ALCAM: variants seen among roughly 807,000 people sequenced by gnomAD.
The protein encoded by ALCAM is activated leukocyte cell adhesion molecule.
Under a neutral mutation model 70.9 loss-of-function variants are expected in ALCAM, and 30 were observed. The observed-to-expected ratio is 0.42, with a 90% CI of 0.32 to 0.57. The LOEUF is 0.57. Among genes scored for constraint, ALCAM ranks in the 20% least tolerant of loss-of-function variants. ALCAM has a pLI of 0.11. For missense variants in ALCAM, 591 were observed against 695.1 expected, an observed-to-expected ratio of 0.85 and a Z score of 1.68; for synonymous variants, 249 against 242.5, an observed-to-expected ratio of 1.03 and a Z score of -0.25.
intron 1 of ALCAM, among the ~76,000 whole-genome samples, chr3:105,380,064 T>A (rs951169251): frequency 6.6e-6 from 1 of 151,844 alleles, no homozygotes; most frequent in African/African-American, 2.4e-5. Flanking sequence ...AAGTTAAAAC[T>A]GTTATATATT....
At chr3:105,370,624 A>T (rs1021513131) in intron 1 of ALCAM, among the ~76,000 whole-genome samples, 1 of 152,148 alleles carries the variant, frequency 6.6e-6, no homozygotes, top group African/African-American at 2.4e-5. Flanking sequence ...TATAAATTGT[A>T]TTATTAGAAA....
intron 1 of ALCAM, among the ~76,000 whole-genome samples, chr3:105,457,301 T>A (rs1937546348): frequency 6.6e-6 from 1 of 152,122 alleles, no homozygotes; most frequent in African/African-American, 2.4e-5. Flanking sequence ...AGTCTGTCAT[T>A]GATGAGCATT....
chr3:105,446,967 A>C (rs1377145254), intron 1 of ALCAM, among the ~76,000 whole-genome samples: 1 of 152,130 alleles, frequency 6.6e-6, no homozygotes, highest in Non-Finnish European at 1.5e-5. Flanking sequence ...AATGGTTAAC[A>C]GTATTGTATA....
At chr3:105,404,415 ATTG>A (rs1444044448) in intron 1 of ALCAM, among the ~76,000 whole-genome samples, 1 of 152,192 alleles carries the variant, frequency 6.6e-6, no homozygotes, top group Non-Finnish European at 1.5e-5. Context: ...GGTAGAAGGG[ATTG>A]GGGTCCTATT....
At chr3:105,516,780 A>G (rs1939392949) in intron 1 of ALCAM, among the ~76,000 whole-genome samples, 1 of 152,124 alleles carries the variant, frequency 6.6e-6, no homozygotes, top group African/African-American at 2.4e-5. Context: ...TAACACATAC[A>G]GAACACACTT....
rs1936216387 is a variant in ALCAM, at chr3:105,405,891, G to A, written c.73+38410G>A. Among the ~76,000 whole-genome samples the A allele has an allele frequency of 2.0e-5, 3 of 152,248 alleles. 1 individual carries two copies. The highest frequency in any genetic ancestry group is 4.8e-5 in the African/African-American group (2 of 41,560). On this transcript the variant is annotated intron_variant, in intron 1 of 15. Transcript: ENST00000306107. ...TGACACTGTTCCCGGACCAAACTGAGGGTTGGGCTGTTATTTCTCACAGCC... is the reference window on the plus strand; with the variant it reads ...TGACACTGTTCCCGGACCAAACTGAAGGTTGGGCTGTTATTTCTCACAGCC...
At chr3:105,411,167 C>T (rs75535140) in intron 1 of ALCAM, among the ~76,000 whole-genome samples, 114 of 152,150 alleles carry the variant, frequency 7.5e-4, no homozygotes, top group African/African-American at 2.7e-3. Context: ...CCTAGAGTCC[C>T]TGATCTGTAT....
intron 1 of ALCAM, among the ~76,000 whole-genome samples, chr3:105,377,734 C>T (rs1315652562): frequency 6.6e-6 from 1 of 151,952 alleles, no homozygotes; most frequent in Non-Finnish European, 1.5e-5. Flanking sequence ...ACTTTTAGAA[C>T]ATAAACTGTA....
intron 1 of ALCAM, among the ~76,000 whole-genome samples, chr3:105,418,684 G>T (rs1466337836): frequency 2.0e-5 from 3 of 151,584 alleles, no homozygotes. Context: ...GGGGTAGTGG[G>T]GTGTTTACAT....
At chr3:105,419,470 G>T (rs1936590657) in intron 1 of ALCAM, among the ~76,000 whole-genome samples, 1 of 151,818 alleles carries the variant, frequency 6.6e-6, no homozygotes. Flanking sequence ...AGTACATCAA[G>T]AAAGGGCTAA....
chr3:105,450,391 C>T (rs1937398567), intron 1 of ALCAM, among the ~76,000 whole-genome samples: 1 of 152,142 alleles, frequency 6.6e-6, no homozygotes, highest in Non-Finnish European at 1.5e-5. Context: ...CCTCCTTTAC[C>T]TTCTCAATGT....
At chr3:105,367,936 G>C (rs1188127890) in intron 1 of ALCAM, among the ~76,000 whole-genome samples, 2 of 151,970 alleles carry the variant, frequency 1.3e-5, no homozygotes, top group Admixed American at 6.6e-5. Context: ...CTTCCCCTTG[G>C]TGAGCCGAGG....
intron 1 of ALCAM, among the ~76,000 whole-genome samples, chr3:105,460,172 A>T (rs1257783903): frequency 6.6e-6 from 1 of 151,978 alleles, no homozygotes; most frequent in Non-Finnish European, 1.5e-5. Context: ...ATGTTTTATT[A>T]AGGGAAACCT....
chr3:105,428,755 G>T (rs1936857550), intron 1 of ALCAM, among the ~76,000 whole-genome samples: 1 of 151,952 alleles, frequency 6.6e-6, no homozygotes, highest in African/African-American at 2.4e-5. Context: ...TACTACTGAA[G>T]TAAATAAATT....
At chr3:105,497,585 G>A (rs1938783160) in intron 1 of ALCAM, among the ~76,000 whole-genome samples, 2 of 152,102 alleles carry the variant, frequency 1.3e-5, no homozygotes, top group African/African-American at 4.8e-5. Flanking sequence ...TCATGGTTTT[G>A]TGGTGACATT....
At chr3:105,448,143 T>G (rs1337657401) in intron 1 of ALCAM, among the ~76,000 whole-genome samples, 1 of 152,232 alleles carries the variant, frequency 6.6e-6, no homozygotes, top group Non-Finnish European at 1.5e-5. Flanking sequence ...CATCTGAACC[T>G]GAACTGTAAT....
At chr3:105,461,063 A>G (rs145146628) in intron 1 of ALCAM, among the ~76,000 whole-genome samples, 8 of 150,550 alleles carry the variant, frequency 5.3e-5, no homozygotes, top group Non-Finnish European at 1.2e-4. Context: ...ATGTATTACT[A>G]TGAAGTATAA....
intron 1 of ALCAM, among the ~76,000 whole-genome samples, chr3:105,469,397 G>A (rs1034838173): frequency 4.0e-5 from 6 of 150,920 alleles, no homozygotes; most frequent in Non-Finnish European, 7.4e-5. Context: ...TCTTCTCCTC[G>A]CTTTCCAGGT....
intron 1 of ALCAM, among the ~76,000 whole-genome samples, chr3:105,484,943 T>C (rs1271190924): frequency 1.3e-5 from 2 of 150,792 alleles, no homozygotes; most frequent in Non-Finnish European, 2.9e-5. Context: ...GAAGAATTCT[T>C]TTTTTTTGGT....
Sources: allele counts gnomAD v4.1 joint callset (sites outside exome capture counted in the v4.1 genomes callset), GRCh38; gene constraint gnomAD v4.1.1; transcripts MANE v1.5; gene names NCBI Gene and HGNC (gene_info 2026-07-23, HGNC 2026-07-21).